The following ACAD8 variants were observed in gnomAD, a reference collection of about 807,000 sequenced individuals.
ACAD8 encodes the protein isobutyryl-CoA dehydrogenase, mitochondrial.
A neutral mutation model predicts 53.1 loss-of-function variants in ACAD8; 47 were observed. The observed-to-expected ratio is 0.89, with a 90% confidence interval of 0.70 to 1.13. ACAD8 has a LOEUF of 1.13. Ranked by LOEUF, ACAD8 falls within the 50% of genes most tolerant of loss-of-function variation. The pLI is 0.00. For synonymous variants in ACAD8, 198 were observed against 201.3 expected (o/e 0.98, Z 0.14); for missense variants, 494 against 535.0 (o/e 0.92, Z 0.76).
chr11:134,253,807 C>A, intron 1 of ACAD8, 98 bp downstream of exon 1: 2 of 1,263,378 alleles, frequency 1.6e-6, no homozygotes, highest in Non-Finnish European at 2.2e-6. Flanking sequence ...CCAGTCACCC[C>A]GGCGTCAGCT....
Position 134,261,418 on chromosome 11 carries a change from C to T in ACAD8, c.939+46C>T, listed in dbSNP as rs1591514614. ...ACATGGCTTTGCACTATTTGCAGCCCGGGACCTGCTCTAGGGCCCACATTT... is the reference window on the plus strand; with the variant it reads ...ACATGGCTTTGCACTATTTGCAGCCTGGGACCTGCTCTAGGGCCCACATTT... On this transcript the variant is annotated intron_variant, in intron 8 of 10. Transcript: ENST00000281182. The surrounding 1 kb of genome is among the most constrained non-coding windows in gnomAD (Gnocchi z 4.2). The T allele has an allele frequency of 1.4e-5, 23 of 1,598,340 alleles. No homozygotes were observed. Among genetic ancestry groups the T allele is most frequent in the Admixed American group, 6.7e-5 (4 of 59,986 alleles).
At position 134,261,950 on chromosome 11, in the gene ACAD8, C is replaced by G; in HGVS notation, c.1092+60C>G. 3.8e-6 allele frequency: 6 copies of G among 1,594,546 alleles called. No homozygotes were observed. The highest frequency in any genetic ancestry group is 5.1e-6 in the Non-Finnish European group (6 of 1,169,280). On this transcript the variant is annotated intron_variant, in intron 9 of 10. Transcript: ENST00000281182. This position sits in a 1 kb window ranked among gnomAD's most constrained non-coding sequence, Gnocchi z 4.2. ...GGGAACAGCTGCTAGGCCCAGGGGT[C>G]TTGAGAGACATGAGTCAGATTTGGA...
chr11:134,260,235 C>T, intron 6 of ACAD8: 3 of 1,073,000 alleles, frequency 2.8e-6, no homozygotes, highest in East Asian at 7.7e-5. Context: ...AAGTAAGATA[C>T]TTCTAGGATT....
intron 10 of ACAD8, 109 bp downstream of exon 10, chr11:134,262,731 T>C (rs1246652854): frequency 6.6e-7 from 1 of 1,517,480 alleles, no homozygotes; most frequent in Non-Finnish European, 8.9e-7. Context: ...AGTCAAGCCC[T>C]GTCTGTCTCG....
At position 134,262,621 on chromosome 11, in the gene ACAD8, A is replaced by G; in HGVS notation, c.1194A>G (p.Glu398=). 1 of 1,613,074 alleles carries G rather than the reference A, an allele frequency of 6.2e-7. No homozygotes were observed. Among genetic ancestry groups the G allele is most frequent in the Non-Finnish European group, 8.5e-7 (1 of 1,179,338 alleles). The part of the protein sequence containing the change: ...VRDSRVHQIL[E]GSNEVMRILI... The stretch of plus-strand genomic sequence containing the variant: ...ACTCCAGGGTCCACCAGATTCTAGA[A>G]GGTAAAAATTGCCAGAGGTTATTCT... Residue 398 remains glutamate, a splice_region_variant and synonymous_variant, in exon 10 of 11, where the codon GAA becomes GAG. Coordinates refer to ENST00000281182, the MANE Select transcript of ACAD8 (RefSeq NM_014384.3).
chr11:134,263,360 G>A, intron 10 of ACAD8: 1 of 989,016 alleles, frequency 1.0e-6, no homozygotes, highest in Non-Finnish European at 1.2e-6. Context: ...CTCAGCCTGT[G>A]CTGGAATCGC....
intron 4 of ACAD8, 127 bp from the exon 5 acceptor site, chr11:134,258,881 T>C: frequency 1.1e-6 from 1 of 909,560 alleles, no homozygotes; most frequent in Non-Finnish European, 1.8e-6. Flanking sequence ...CCACTTGGGT[T>C]TTGCAGTGAC....
rs186740371 is a variant in ACAD8 at position 134,263,169 on chromosome 11, G to A, written c.1195+547G>A. On this transcript the variant is annotated intron_variant, in intron 10 of 10. Coordinates refer to ENST00000281182, the MANE Select transcript of ACAD8 (RefSeq NM_014384.3). The stretch of plus-strand genomic sequence containing the variant: ...CATGGAAGCCGTTGGGGTCGGGCTC[G>A]GAGCCTGGCTGTCTCCACTCTCTAC... 2.1e-5 allele frequency: 22 copies of A among 1,071,634 alleles called. No homozygotes were observed. In the African/African-American group the frequency reaches 2.9e-4, roughly 14 times the overall value. The allele number at this position is 1,071,634 out of a possible 1,614,324, so 66.4% of individuals were successfully genotyped here.
Position 134,262,628 on chromosome 11 carries a change from A to T in ACAD8, c.1195+6A>T. On this transcript the variant is annotated splice_donor_region_variant and intron_variant, in intron 10 of 10. Coordinates refer to ENST00000281182, the MANE Select transcript of ACAD8 (RefSeq NM_014384.3). ...GGTCCACCAGATTCTAGAAGGTAAA[A>T]ATTGCCAGAGGTTATTCTCTTCCCT... 1 of 1,612,062 alleles carries T rather than the reference A, an allele frequency of 6.2e-7. No individual in the cohort carries two copies. Among genetic ancestry groups the T allele is most frequent in the African/African-American group, 1.3e-5 (1 of 74,972 alleles).
At position 134,265,266 on chromosome 11, in the gene ACAD8, C is replaced by A; in HGVS notation, c.*306C>A. ...AAACCATGAAAGTCCTTTCTTGGAT[C>A]CACTTTATCTTGATTAGTCTGCATT... On this transcript the variant is annotated 3_prime_UTR_variant, in exon 11 of 11. Transcript: ENST00000281182. 2.1e-6 allele frequency: 1 copy of A among 466,478 alleles called. No homozygotes were observed. Among genetic ancestry groups the A allele is most frequent in the Admixed American group, 3.6e-5 (1 of 27,588 alleles). The allele number at this position is 466,478 out of a possible 1,614,324, so 28.9% of individuals were successfully genotyped here.
intron 6 of ACAD8, chr11:134,259,986 T>A: frequency 7.4e-6 from 10 of 1,350,384 alleles, no homozygotes; most frequent in Non-Finnish European, 9.6e-6. Flanking sequence ...GTGAGTGTTC[T>A]GACCTCTCCT....
intron 6 of ACAD8, chr11:134,260,130 C>T (rs1939797441): frequency 8.6e-7 from 1 of 1,161,516 alleles, no homozygotes; most frequent in East Asian, 6.2e-5. Flanking sequence ...GTCCCTTTTG[C>T]TTCTTTGATT....
At chr11:134,262,981 C>T (rs1939987919) in intron 10 of ACAD8, 1 of 1,222,332 alleles carries the variant, frequency 8.2e-7, no homozygotes, top group African/African-American at 1.6e-5. Flanking sequence ...CAGTGATGGA[C>T]AAGGCAAATG....
Position 134,253,595 on chromosome 11 carries a change from G to A in ACAD8, c.-6G>A, listed in dbSNP as rs1403883351. The A allele has an allele frequency of 3.8e-6, 6 of 1,578,218 alleles. No homozygotes were observed. The highest frequency in any genetic ancestry group is 3.6e-5 in the Admixed American group (2 of 55,570). On this transcript the variant is annotated 5_prime_UTR_variant, in exon 1 of 11. Coordinates refer to ENST00000281182, the MANE Select transcript of ACAD8 (RefSeq NM_014384.3). ...ACTCTTAGCTGAACGCGGAGCTGCG[G>A]CGGCTATGCTGTGGAGCGGCTGCCG...
At position 134,258,951 on chromosome 11, in the gene ACAD8, C is replaced by T. The variant is rs546720230; in HGVS notation, c.491-57C>T. ...CTAGAAGATAGAATTGTGCTGGGCT[C>T]CCTCGACCTCACTGACTTTCTCACC... On this transcript the variant is annotated intron_variant, in intron 4 of 10. Coordinates refer to ENST00000281182, the MANE Select transcript of ACAD8 (RefSeq NM_014384.3). 1,399 of 1,398,538 alleles carry T rather than the reference C, an allele frequency of 1.0e-3. 2 individuals are homozygous for T. The highest frequency in any genetic ancestry group is 1.2e-3 in the Non-Finnish European group (1,185 of 984,704). 86.6% of individuals were successfully genotyped at this position (1,398,538 alleles called of 1,614,324 possible). A position where few individuals can be genotyped will look rare whatever the true frequency, so the allele number is the denominator to read the frequency against.
chr11:134,259,663 G>A lies in ACAD8; in HGVS notation c.623G>A (p.Gly208Glu), dbSNP rs760295777. 2 of 1,614,092 alleles carry A rather than the reference G, an allele frequency of 1.2e-6. No homozygotes were observed. Among genetic ancestry groups the A allele is most frequent in the Non-Finnish European group, 1.7e-6 (2 of 1,180,038 alleles). Residue 208 changes from glycine to glutamate, a missense_variant, in exon 6 of 11, where the codon GGA becomes GAA. Gly to Glu is a moderately conservative substitution (Grantham distance 98, BLOSUM62 -2). Coordinates refer to ENST00000281182, the MANE Select transcript of ACAD8 (RefSeq NM_014384.3). ...ATCTATGTGGTCATGTGCCGAACAGGAGGACCAGGCCCCAAGGGCATCTCA... is the reference window on the plus strand; with the variant it reads ...ATCTATGTGGTCATGTGCCGAACAGAAGGACCAGGCCCCAAGGGCATCTCA... ...SDIYVVMCRT[G>E]GPGPKGISCI...
chr11:134,262,715 G>T, intron 10 of ACAD8, 93 bp downstream of exon 10: 1 of 1,523,948 alleles, frequency 6.6e-7, no homozygotes, highest in South Asian at 1.2e-5. Context: ...CTGGGCCTCA[G>T]GGTGCAGTCA....
rs528590825 is a variant in ACAD8, at chr11:134,264,852, A to G, written c.1196-56A>G. 1.9e-5 allele frequency: 28 copies of G among 1,512,908 alleles called. No homozygotes were observed. In the East Asian group the frequency reaches 6.3e-4, roughly 34 times the overall value. The allele number at this position is 1,512,908 out of a possible 1,614,324, so 93.7% of individuals were successfully genotyped here. On this transcript the variant is annotated intron_variant, in intron 10 of 10. Transcript: ENST00000281182. ...CCTGGAGCAGCCTGGTCAGAGCTTT[A>G]CTAAACTCTCAGACTTTGCTGCTGT...
intron 1 of ACAD8, 134 bp downstream of exon 1, chr11:134,253,843 G>A (rs1939281373): frequency 1.4e-5 from 14 of 970,316 alleles, no homozygotes; most frequent in Non-Finnish European, 2.2e-5. Flanking sequence ...CACCCCCCCG[G>A]CCTGGCTCCC....
Sources: allele counts gnomAD v4.1 joint callset, GRCh38; gene constraint gnomAD v4.1.1; non-coding constraint Gnocchi (gnomAD v3.1); transcripts MANE v1.5; gene names NCBI Gene and HGNC (gene_info 2026-07-23, HGNC 2026-07-21).